Variants in CENPP observed in about 807,000 individuals in gnomAD.
CENPP encodes centromere protein P.
In CENPP, 24 loss-of-function variants were observed where a neutral mutation model predicts 35.6. That is an observed-to-expected ratio of 0.67 (90% CI 0.49 to 0.95). The LOEUF (loss-of-function observed/expected upper bound fraction) is 0.95, where lower values mean the gene tolerates loss of function less well. Among genes scored for constraint, CENPP ranks in the 40% least tolerant of loss-of-function variants. CENPP has a pLI of 0.00. For synonymous variants in CENPP, 120 were observed against 125.5 expected (o/e 0.96, Z 0.29); for missense variants, 332 against 345.3 (o/e 0.96, Z 0.31).
rs937244182 is a variant in CENPP at position 92,613,693 on chromosome 9, C to T, written c.*544C>T. Reference sequence around the variant, plus strand: ...TCCTCATGCTGTTCTTGGTCTTCCACAAGAAAGTGAAGCTGTCAGCTTAAT... The same window carrying T: ...TCCTCATGCTGTTCTTGGTCTTCCATAAGAAAGTGAAGCTGTCAGCTTAAT... On this transcript the variant is annotated 3_prime_UTR_variant, in exon 8 of 8. Coordinates refer to ENST00000375587, the MANE Select transcript of CENPP (RefSeq NM_001012267.3). The T allele has an allele frequency of 6.4e-6, 1 of 157,108 alleles. No homozygotes were observed. Among genetic ancestry groups the T allele is most frequent in the Non-Finnish European group, 1.4e-5 (1 of 70,722 alleles). The allele number at this position is 157,108 out of a possible 1,614,324, so 9.7% of individuals were successfully genotyped here.
chr9:92,396,848 T>C (rs1487058399), intron 5 of CENPP, among the ~76,000 whole-genome samples: 1 of 152,130 alleles, frequency 6.6e-6, no homozygotes, highest in East Asian at 1.9e-4. Flanking sequence ...CTTTTATATC[T>C]ATTTCTTTTA....
chr9:92,567,073 G>T (rs1048314498), intron 5 of CENPP, among the ~76,000 whole-genome samples: 1 of 152,058 alleles, frequency 6.6e-6, no homozygotes, highest in Non-Finnish European at 1.5e-5. Context: ...AAGTGAGGGA[G>T]AAATTAAGAC....
At chr9:92,424,830 A>ATGCCTGGCTAATT (rs1474836638) in intron 5 of CENPP, among the ~76,000 whole-genome samples, 1 of 152,062 alleles carries the variant, frequency 6.6e-6, no homozygotes, top group Non-Finnish European at 1.5e-5. Context: ...ATGAGCCACC[A>ATGCCTGGCTAATT]TGCCTGGCTA....
chr9:92,572,305 ATTTG>A (rs1164797296), intron 5 of CENPP, among the ~76,000 whole-genome samples: 1 of 152,106 alleles, frequency 6.6e-6, no homozygotes, highest in African/African-American at 2.4e-5. Flanking sequence ...ATCTCTCAGC[ATTTG>A]TTTGTCTGTA....
chr9:92,395,831 T>C (rs1049306246), intron 5 of CENPP, among the ~76,000 whole-genome samples: 51 of 152,230 alleles, frequency 3.4e-4, no homozygotes, highest in Middle Eastern at 3.4e-3. Flanking sequence ...TTTTTTTTTT[T>C]CCCTCTTACT....
chr9:92,478,264 T>C (rs10116241), intron 5 of CENPP, among the ~76,000 whole-genome samples: 72,727 of 152,076 alleles, frequency 0.48, 20,941 homozygotes, highest in African/African-American at 0.81. Flanking sequence ...CAAAGGTTTC[T>C]CATACACACT....
chr9:92,548,479 A>C (rs1849520275), intron 5 of CENPP, among the ~76,000 whole-genome samples: 1 of 152,228 alleles, frequency 6.6e-6, no homozygotes, highest in African/African-American at 2.4e-5. Flanking sequence ...TATGATCACT[A>C]ATGTTGGGCA....
chr9:92,462,942 C>G (rs931568919), intron 5 of CENPP, among the ~76,000 whole-genome samples: 3 of 152,174 alleles, frequency 2.0e-5, no homozygotes, highest in African/African-American at 7.2e-5. Flanking sequence ...AGAATAATCT[C>G]TGGGAGAGGA....
At position 92,546,409 on chromosome 9, in the gene CENPP, C is replaced by T. The variant is rs536190017; in HGVS notation, c.565-64905C>T. Among the ~76,000 whole-genome samples the T allele has an allele frequency of 2.8e-4, 43 of 152,320 alleles. No homozygotes were observed. The South Asian group carries it at 7.0e-3, about 25-fold the overall frequency. Reference sequence around the variant, plus strand: ...TGCTGCTGCTCACTCTTTGGGTCCACGCTGACTTTATGAGCTGTAACACTC... The same window carrying T: ...TGCTGCTGCTCACTCTTTGGGTCCATGCTGACTTTATGAGCTGTAACACTC... On this transcript the variant is annotated intron_variant, in intron 5 of 7. Coordinates refer to ENST00000375587, the MANE Select transcript of CENPP (RefSeq NM_001012267.3).
chr9:92,596,409 C>CAAG (rs1361343914), intron 5 of CENPP, among the ~76,000 whole-genome samples: 1 of 112,870 alleles, frequency 8.9e-6, no homozygotes, highest in African/African-American at 3.6e-5. Context: ...CCCTGGAGTT[C>CAAG]AAGGCCAGCC....
chr9:92,327,184 A>G (rs1229189060), intron 1 of CENPP, among the ~76,000 whole-genome samples: 1 of 152,250 alleles, frequency 6.6e-6, no homozygotes, highest in Non-Finnish European at 1.5e-5. Context: ...TTGTGTGCAC[A>G]CTTGGAAGTT....
intron 5 of CENPP, among the ~76,000 whole-genome samples, chr9:92,508,577 A>G (rs1368145451): frequency 6.6e-6 from 1 of 152,200 alleles, no homozygotes; most frequent in Non-Finnish European, 1.5e-5. Flanking sequence ...TAAATTGCTG[A>G]CACCCTTTGG....
chr9:92,602,704 C>A (rs1850954689), intron 5 of CENPP, among the ~76,000 whole-genome samples: 1 of 152,056 alleles, frequency 6.6e-6, no homozygotes, highest in South Asian at 2.1e-4. Flanking sequence ...CTGTGTGTGT[C>A]CAGGGGCGAG....
At chr9:92,348,447 C>T (rs556252733) in intron 4 of CENPP, among the ~76,000 whole-genome samples, 8 of 148,316 alleles carry the variant, frequency 5.4e-5, no homozygotes, top group Middle Eastern at 7.1e-3. Flanking sequence ...GGCTGGAGTG[C>T]GATGGCACAA....
intron 5 of CENPP, among the ~76,000 whole-genome samples, chr9:92,439,865 G>C (rs890190551): frequency 4.6e-5 from 7 of 152,178 alleles, no homozygotes; most frequent in African/African-American, 1.7e-4. Context: ...ATGGATAAGA[G>C]TGGTGAATAT....
intron 1 of CENPP, among the ~76,000 whole-genome samples, chr9:92,330,299 A>C (rs932214722): frequency 1.3e-5 from 2 of 152,246 alleles, no homozygotes; most frequent in African/African-American, 2.4e-5. Context: ...TTGGTGAGCT[A>C]TCAAGCTAGA....
At chr9:92,403,428 C>T in intron 5 of CENPP, 2 of 1,587,110 alleles carry the variant, frequency 1.3e-6, no homozygotes, top group Non-Finnish European at 8.6e-7. Flanking sequence ...ATCAAGGTGA[C>T]TGGAAGTTAA....
At chr9:92,496,121 A>C in intron 5 of CENPP, 1 of 1,218,400 alleles carries the variant, frequency 8.2e-7, no homozygotes, top group East Asian at 4.2e-5. Context: ...TTTTACCTTT[A>C]CTATTAATAA....
intron 5 of CENPP, among the ~76,000 whole-genome samples, chr9:92,427,068 A>G (rs1271485216): frequency 6.6e-6 from 1 of 152,200 alleles, no homozygotes. Context: ...AGTACCAGAA[A>G]AAGGGCACTC....
Sources: gnomAD v4.1 joint callset for allele counts (sites outside exome capture counted in the v4.1 genomes callset) on GRCh38, gnomAD v4.1.1 for gene constraint, MANE v1.5 for transcripts, NCBI Gene and HGNC (gene_info 2026-07-23, HGNC 2026-07-21) for gene names.